The following NDUFAF2 variants were observed in gnomAD, a reference collection of about 807,000 sequenced individuals.
NDUFAF2 encodes NADH dehydrogenase [ubiquinone] 1 alpha subcomplex assembly factor 2.
In NDUFAF2, 13 loss-of-function variants were observed where a neutral mutation model predicts 22.8. The ratio of observed to expected loss-of-function variants is 0.57; its 90% CI spans 0.37 to 0.91. The LOEUF (loss-of-function observed/expected upper bound fraction) is 0.91. NDUFAF2 is among the 40% of genes least tolerant of loss of function. The pLI is 0.01. For synonymous variants in NDUFAF2, 53 were observed against 64.2 expected (o/e 0.83, Z 0.84); for missense variants, 162 against 195.2 (o/e 0.83, Z 1.01).
At chr5:60,985,287 T>C (rs1223893313) in intron 1 of NDUFAF2, among the ~76,000 whole-genome samples, 1 of 152,178 alleles carries the variant, frequency 6.6e-6, no homozygotes, top group East Asian at 1.9e-4. Context: ...TTCTTTGTTT[T>C]CTTCTTTGTT....
intron 1 of NDUFAF2, among the ~76,000 whole-genome samples, chr5:60,969,505 T>C (rs1750800369): frequency 6.6e-6 from 1 of 152,172 alleles, no homozygotes; most frequent in South Asian, 2.1e-4. Flanking sequence ...GCAATTTGTA[T>C]GTCTTCTTTT....
chr5:61,125,926 G>A (rs1277180848), intron 3 of NDUFAF2, among the ~76,000 whole-genome samples: 1 of 151,944 alleles, frequency 6.6e-6, no homozygotes, highest in African/African-American at 2.4e-5. Context: ...CACTAAGTGT[G>A]CCCCAAGTCC....
chr5:61,141,821 T>G (rs1248582156), intron 3 of NDUFAF2, among the ~76,000 whole-genome samples: 1 of 152,172 alleles, frequency 6.6e-6, no homozygotes, highest in Non-Finnish European at 1.5e-5. Flanking sequence ...ATAGCCTAAG[T>G]TGTAGCTTCT....
intron 1 of NDUFAF2, among the ~76,000 whole-genome samples, chr5:61,035,521 C>T (rs948674661): frequency 7.2e-6 from 1 of 139,106 alleles, no homozygotes; most frequent in African/African-American, 2.8e-5. Flanking sequence ...AGGAAATATC[C>T]AGCAAAACTG....
At chr5:61,117,411 A>G (rs1257668549) in intron 3 of NDUFAF2, among the ~76,000 whole-genome samples, 1 of 152,216 alleles carries the variant, frequency 6.6e-6, no homozygotes, top group Non-Finnish European at 1.5e-5. Flanking sequence ...GCTGGAGTGC[A>G]GTGGCACTGT....
At chr5:61,010,510 A>C (rs60239490) in intron 1 of NDUFAF2, among the ~76,000 whole-genome samples, 2,589 of 151,492 alleles carry the variant, frequency 0.017, 78 homozygotes, top group African/African-American at 0.06. Context: ...CTCATCCTTT[A>C]TCTCTCATTT....
intron 1 of NDUFAF2, among the ~76,000 whole-genome samples, chr5:60,975,398 T>C (rs749292397): frequency 2.0e-5 from 3 of 151,948 alleles, no homozygotes; most frequent in Non-Finnish European, 4.4e-5. Context: ...AGCAACTAGA[T>C]ATAAAGGTAA....
chr5:61,054,812 A>G (rs1752066535), intron 1 of NDUFAF2, among the ~76,000 whole-genome samples: 2 of 152,220 alleles, frequency 1.3e-5, no homozygotes, highest in Non-Finnish European at 2.9e-5. Context: ...GTGTAGCAGA[A>G]GTATAAAGAC....
At chr5:60,984,383 C>T (rs999543638) in intron 1 of NDUFAF2, among the ~76,000 whole-genome samples, 1 of 151,992 alleles carries the variant, frequency 6.6e-6, no homozygotes, top group African/African-American at 2.4e-5. Context: ...ATTGAATGCC[C>T]TTTATTTCCT....
At chr5:61,122,680 T>G (rs1752990473) in intron 3 of NDUFAF2, among the ~76,000 whole-genome samples, 1 of 152,180 alleles carries the variant, frequency 6.6e-6, no homozygotes, top group Non-Finnish European at 1.5e-5. Flanking sequence ...TATATTTGAA[T>G]TTTTTAAACT....
chr5:60,948,007 C>T (rs1750486472), intron 1 of NDUFAF2, among the ~76,000 whole-genome samples: 1 of 151,934 alleles, frequency 6.6e-6, no homozygotes, highest in Non-Finnish European at 1.5e-5. Context: ...AAAAATTGCC[C>T]ATGCTTAAAA....
intron 3 of NDUFAF2, among the ~76,000 whole-genome samples, chr5:61,135,657 G>A (rs1740914871): frequency 6.6e-6 from 1 of 152,016 alleles, no homozygotes; most frequent in African/African-American, 2.4e-5. Context: ...AAGTTTCCAG[G>A]TGATTCTAAA....
At chr5:61,082,617 C>A (rs1752457694) in intron 2 of NDUFAF2, among the ~76,000 whole-genome samples, 1 of 152,066 alleles carries the variant, frequency 6.6e-6, no homozygotes. Flanking sequence ...GGAGAACATG[C>A]AGTATTTGGT....
At chr5:61,058,302 T>C (rs184235812) in intron 1 of NDUFAF2, among the ~76,000 whole-genome samples, 27 of 152,220 alleles carry the variant, frequency 1.8e-4, no homozygotes, top group Non-Finnish European at 3.2e-4. Flanking sequence ...TACCTATATA[T>C]TGAAAGCCCT....
At chr5:60,965,128 C>T (rs1750737625) in intron 1 of NDUFAF2, among the ~76,000 whole-genome samples, 1 of 152,080 alleles carries the variant, frequency 6.6e-6, no homozygotes, top group Admixed American at 6.6e-5. Flanking sequence ...GTCTAGGAAC[C>T]ACTAACATGA....
At chr5:61,054,967 AACTTTAAGGGGTCACTGCAAAGTAGG>A (rs1482047012) in intron 1 of NDUFAF2, among the ~76,000 whole-genome samples, 3 of 152,192 alleles carry the variant, frequency 2.0e-5, no homozygotes, top group Non-Finnish European at 4.4e-5. Flanking sequence ...TCATTAGTAT[AACTTTAAGGGGTCACTGCAAAGTAGG>A]AATGGACCTT....
chr5:60,951,584 A>G (rs1448206334), intron 1 of NDUFAF2, among the ~76,000 whole-genome samples: 3 of 152,012 alleles, frequency 2.0e-5, no homozygotes, highest in South Asian at 2.1e-4. Context: ...TATCCTTTTT[A>G]TATATTATTG....
chr5:61,125,892 A>G (rs1225269598), intron 3 of NDUFAF2, among the ~76,000 whole-genome samples: 1 of 152,096 alleles, frequency 6.6e-6, no homozygotes, highest in Non-Finnish European at 1.5e-5. Flanking sequence ...AATATAAAAC[A>G]GTAATACAGC....
chr5:61,132,647 G>T (rs1164915123), intron 3 of NDUFAF2, among the ~76,000 whole-genome samples: 1 of 152,112 alleles, frequency 6.6e-6, no homozygotes, highest in Non-Finnish European at 1.5e-5. Flanking sequence ...ATGTTAGTGT[G>T]GTTCCTCCCT....
Sources: gnomAD v4.1 joint callset for allele counts (sites outside exome capture counted in the v4.1 genomes callset) on GRCh38, gnomAD v4.1.1 for gene constraint, MANE v1.5 for transcripts, NCBI Gene and HGNC (gene_info 2026-07-23, HGNC 2026-07-21) for gene names.